The following COX7B2 variants were observed in gnomAD, a reference collection of about 807,000 sequenced individuals.
COX7B2 encodes cytochrome c oxidase subunit 7B2, mitochondrial.
For synonymous variants in COX7B2, 37 were observed against 32.1 expected, an observed-to-expected ratio of 1.15 and a Z score of -0.51; for missense variants, 109 against 95.9, an observed-to-expected ratio of 1.14 and a Z score of -0.57.
intron 2 of COX7B2, among the ~76,000 whole-genome samples, chr4:46,788,528 A>C (rs1211618073): frequency 6.6e-6 from 1 of 152,200 alleles, no homozygotes; most frequent in African/African-American, 2.4e-5. Context: ...GAAGTTATAA[A>C]TGTAAAAAGA....
At chr4:46,747,154 G>A (rs576862035) in intron 2 of COX7B2, among the ~76,000 whole-genome samples, 8 of 151,908 alleles carry the variant, frequency 5.3e-5, no homozygotes, top group African/African-American at 1.9e-4. Context: ...CATCACCCAG[G>A]TATCAAGCCT....
At chr4:46,895,419 A>G (rs867602099) in intron 1 of COX7B2, among the ~76,000 whole-genome samples, 35 of 152,300 alleles carry the variant, frequency 2.3e-4, no homozygotes, top group Middle Eastern at 6.8e-3. Flanking sequence ...GTTCTCACTC[A>G]TAAGTGGGAG....
intron 1 of COX7B2, among the ~76,000 whole-genome samples, chr4:46,883,581 C>CA (rs778907884): frequency 4.0e-5 from 6 of 151,624 alleles, no homozygotes; most frequent in East Asian, 1.9e-4. Flanking sequence ...ACCAAAAATA[C>CA]AAAAAAATTA....
chr4:46,874,743 G>A (rs1369586820), intron 1 of COX7B2, among the ~76,000 whole-genome samples: 1 of 152,066 alleles, frequency 6.6e-6, no homozygotes, highest in African/African-American at 2.4e-5. Flanking sequence ...ATGTATACTT[G>A]GCCAAATTCC....
At chr4:46,805,896 A>G (rs1718972702) in intron 2 of COX7B2, among the ~76,000 whole-genome samples, 1 of 152,180 alleles carries the variant, frequency 6.6e-6, no homozygotes, top group African/African-American at 2.4e-5. Flanking sequence ...ACCCTTTACT[A>G]GAAAATATCT....
chr4:46,742,310 C>A (rs565390552), intron 2 of COX7B2, among the ~76,000 whole-genome samples: 1 of 152,074 alleles, frequency 6.6e-6, no homozygotes, highest in Non-Finnish European at 1.5e-5. Flanking sequence ...TTCATGATAT[C>A]AATGCAAAAT....
intron 1 of COX7B2, among the ~76,000 whole-genome samples, chr4:46,854,325 C>G (rs1577660069): frequency 6.6e-6 from 1 of 151,958 alleles, no homozygotes; most frequent in Non-Finnish European, 1.5e-5. Context: ...AATATAGATC[C>G]CATTAGAGTG....
At chr4:46,825,303 T>G (rs182589173) in intron 2 of COX7B2, among the ~76,000 whole-genome samples, 1 of 151,662 alleles carries the variant, frequency 6.6e-6, no homozygotes, top group East Asian at 1.9e-4. Context: ...AAGCATAAAA[T>G]ACCTAGGAAT....
chr4:46,821,862 T>G (rs1468361696), intron 2 of COX7B2, among the ~76,000 whole-genome samples: 1 of 152,196 alleles, frequency 6.6e-6, no homozygotes, highest in Non-Finnish European at 1.5e-5. Flanking sequence ...TGCCAGGTGT[T>G]TAATACAGTA....
intron 2 of COX7B2, among the ~76,000 whole-genome samples, chr4:46,754,974 A>T (rs996850098): frequency 2.6e-5 from 4 of 151,330 alleles, no homozygotes; most frequent in Admixed American, 6.6e-5. Context: ...GCAAAATCAT[A>T]CAAGGGCACA....
intron 1 of COX7B2, among the ~76,000 whole-genome samples, chr4:46,905,114 T>A (rs1720298019): frequency 6.6e-6 from 1 of 152,080 alleles, no homozygotes; most frequent in Admixed American, 6.6e-5. Flanking sequence ...ATTTGCAAAG[T>A]ACATAGGACT....
rs546587681 is a variant in COX7B2 at position 46,751,374 on chromosome 4, T to G, written c.-49-16133A>C. Among the ~76,000 whole-genome samples the G allele has an allele frequency of 1.4e-4, 21 of 152,310 alleles. No homozygotes were observed. In the South Asian group the frequency reaches 4.1e-3, roughly 30 times the overall value. ...ACATGTTATTTGTTGAATGTTTATA[T>G]GTCTACTTTTATATCCACTTCTCAC... On this transcript the variant is annotated intron_variant, in intron 2 of 2. Coordinates refer to ENST00000355591, the MANE Select transcript of COX7B2 (RefSeq NM_130902.3).
At chr4:46,786,988 C>G (rs1414514876) in intron 2 of COX7B2, among the ~76,000 whole-genome samples, 1 of 152,156 alleles carries the variant, frequency 6.6e-6, no homozygotes, top group African/African-American at 2.4e-5. Context: ...GATGATGATA[C>G]TGACAACCAT....
chr4:46,779,676 C>A (rs1476621771), intron 2 of COX7B2, among the ~76,000 whole-genome samples: 1 of 152,010 alleles, frequency 6.6e-6, no homozygotes, highest in Non-Finnish European at 1.5e-5. Flanking sequence ...TCTCCACACC[C>A]TCACCAACAC....
At chr4:46,735,814 C>CT (rs1362925652) in intron 2 of COX7B2, among the ~76,000 whole-genome samples, 1 of 152,144 alleles carries the variant, frequency 6.6e-6, no homozygotes, top group African/African-American at 2.4e-5. Flanking sequence ...AATTTACAAA[C>CT]TTTTTTTCAT....
chr4:46,900,739 T>G (rs1276223723), intron 1 of COX7B2, among the ~76,000 whole-genome samples: 1 of 152,116 alleles, frequency 6.6e-6, no homozygotes, highest in Non-Finnish European at 1.5e-5. Context: ...AGCTTGTTTG[T>G]CCCTACCACC....
chr4:46,793,314 C>T (rs985329110), intron 2 of COX7B2, among the ~76,000 whole-genome samples: 5 of 151,732 alleles, frequency 3.3e-5, no homozygotes, highest in Non-Finnish European at 7.4e-5. Context: ...TATCTCGGGG[C>T]TAGCATGTCT....
chr4:46,809,231 A>C (rs930245583), intron 2 of COX7B2, among the ~76,000 whole-genome samples: 2 of 151,658 alleles, frequency 1.3e-5, no homozygotes, highest in East Asian at 3.9e-4. Context: ...TTTTTTCTTC[A>C]GAAAAGCTCT....
intron 2 of COX7B2, among the ~76,000 whole-genome samples, chr4:46,756,739 A>G (rs1715824513): frequency 6.6e-6 from 1 of 152,126 alleles, no homozygotes; most frequent in Admixed American, 6.6e-5. Flanking sequence ...AAAAACCATA[A>G]TGAGATACTA....
Sources: gnomAD v4.1 joint callset for allele counts (sites outside exome capture counted in the v4.1 genomes callset) on GRCh38, gnomAD v4.1.1 for gene constraint, MANE v1.5 for transcripts, NCBI Gene and HGNC (gene_info 2026-07-23, HGNC 2026-07-21) for gene names.